The following DAAM2 variants were observed in gnomAD, a reference collection of about 807,000 sequenced individuals.
The protein encoded by DAAM2 is dishevelled associated activator of morphogenesis 2.
In DAAM2, 39 loss-of-function variants were observed where a neutral mutation model predicts 120.7. The ratio of observed to expected loss-of-function variants is 0.32; its 90% confidence interval spans 0.25 to 0.42. The LOEUF is 0.42. DAAM2 is among the 10% of genes least tolerant of loss of function. DAAM2 has a pLI of 1.00. For synonymous variants in DAAM2, 488 were observed against 524.9 expected (o/e 0.93, Z 0.96); for missense variants, 1,283 against 1,401.7 (o/e 0.92, Z 1.35).
At position 39,864,488 on chromosome 6, in the gene DAAM2, G is replaced by A. The variant is rs6919807; in HGVS notation, c.314G>A (p.Arg105His). 1,898 of 1,611,824 alleles carry A rather than the reference G, an allele frequency of 1.2e-3. 12 individuals are homozygous for A. In the African/African-American group the frequency reaches 0.016, roughly 13 times the overall value. Residue 105 changes from arginine (R) to histidine (H), a missense_variant, in exon 4 of 25, where the codon CGC (arginine) becomes CAC (histidine). Arg to His is a conservative substitution (Grantham distance 29). Around this residue, in one of 3 missense-constraint regions of DAAM2, gnomAD observed 197 missense variants for 189.3 expected, o/e 1.04. Transcript: ENST00000274867. ...ATSWPDYYID[R>H]INSMAAMQSL... ...AGCTGGCCTGACTATTACATCGACC[G>A]CATCAATTCCATGGCTGCGGTGAGT...
intron 1 of DAAM2, among the ~76,000 whole-genome samples, chr6:39,812,676 T>C (rs1234305603): frequency 1.1e-5 from 1 of 88,600 alleles, no homozygotes; most frequent in Non-Finnish European, 2.9e-5. Context: ...TTGGAGTGCC[T>C]GTAACTCAAA....
chr6:39,861,025 C>A lies in DAAM2; in HGVS notation c.258+8C>A, dbSNP rs1218791440. On this transcript the variant is annotated splice_region_variant and intron_variant, in intron 3 of 24. Transcript: ENST00000274867. ...TACTGCAGCAAGAAGAAGGTGCCCTCTCTGACCCCTCTGGCCACATCTCAG... is the reference window on the plus strand; with the variant it reads ...TACTGCAGCAAGAAGAAGGTGCCCTATCTGACCCCTCTGGCCACATCTCAG... 6.2e-7 allele frequency: 1 copy of A among 1,600,626 alleles called. No individual in the cohort carries two copies. Among genetic ancestry groups the A allele is most frequent in the African/African-American group, 1.3e-5 (1 of 74,810 alleles).
chr6:39,832,238 A>C (rs6937133), intron 1 of DAAM2, among the ~76,000 whole-genome samples: 1 of 151,746 alleles, frequency 6.6e-6, no homozygotes, highest in Non-Finnish European at 1.5e-5. Flanking sequence ...AGTTTGTGTC[A>C]AATAAGGAGA....
intron 15 of DAAM2, chr6:39,885,864 G>A (rs1765355412): frequency 6.6e-6 from 1 of 152,282 alleles, no homozygotes. Context: ...TCGGCGTCAG[G>A]GAGAACAGAG....
chr6:39,838,492 T>C (rs567647247), intron 1 of DAAM2, among the ~76,000 whole-genome samples: 91 of 152,250 alleles, frequency 6.0e-4, no homozygotes, highest in African/African-American at 2.1e-3. Flanking sequence ...AGTGGGCTGG[T>C]TGGTCGAGGC....
Position 39,888,716 on chromosome 6 carries a change from T to A in DAAM2, c.2098T>A (p.Leu700Met). ...TAACGAGGAGATCCGGCAGGCCATC[T>A]TGAAGATGGATGAGCAGGAGGACCT... ...LSNEEIRQAI[L>M]KMDEQEDLAK... is the part of the protein sequence containing the mutation. The change falls in exon 17 of 25, where the codon TTG (leucine) becomes ATG (methionine). Residue 700 changes from leucine to methionine, a missense_variant. Physicochemically the swap from Leu to Met is conservative, Grantham distance 15. This residue lies in a region of DAAM2 where 748 missense variants were observed against 768.6 expected (regional missense o/e 0.97). Transcript: ENST00000274867. The A allele has an allele frequency of 1.2e-6, 2 of 1,613,348 alleles. No individual in the cohort carries two copies. Among genetic ancestry groups the A allele is most frequent in the Non-Finnish European group, 1.7e-6 (2 of 1,179,530 alleles).
intron 8 of DAAM2, 37 bp downstream of exon 8, chr6:39,870,480 G>A: frequency 7.5e-7 from 1 of 1,340,336 alleles, no homozygotes; most frequent in Non-Finnish European, 1.0e-6. Flanking sequence ...GCAAACCTGT[G>A]GGGACAGTGC....
intron 21 of DAAM2, among the ~76,000 whole-genome samples, chr6:39,898,396 A>C (rs1473624724): frequency 1.3e-5 from 2 of 152,174 alleles, no homozygotes; most frequent in Non-Finnish European, 2.9e-5. Context: ...GGTCCAAGGA[A>C]ATGTGGGTGG....
chr6:39,898,022 A>G (rs1766225000), intron 21 of DAAM2, among the ~76,000 whole-genome samples: 2 of 152,162 alleles, frequency 1.3e-5, no homozygotes, highest in South Asian at 4.1e-4. Flanking sequence ...AACAAAGACA[A>G]TTTGCTCTTA....
chr6:39,836,804 T>C (rs1459528661), intron 1 of DAAM2, among the ~76,000 whole-genome samples: 1 of 152,226 alleles, frequency 6.6e-6, no homozygotes, highest in Admixed American at 6.5e-5. Flanking sequence ...TACTCATCCT[T>C]ACTATTCTAT....
intron 1 of DAAM2, among the ~76,000 whole-genome samples, chr6:39,809,914 C>T (rs1762113598): frequency 6.6e-6 from 1 of 152,186 alleles, no homozygotes; most frequent in African/African-American, 2.4e-5. Flanking sequence ...TCCACAGTGC[C>T]ATCAGGGACC....
chr6:39,866,430 G>A (rs60871004), intron 5 of DAAM2, among the ~76,000 whole-genome samples: 62 of 152,242 alleles, frequency 4.1e-4, no homozygotes, highest in African/African-American at 1.5e-3. Context: ...AGGCGTATTT[G>A]TACAATAACA....
chr6:39,826,983 A>C (rs1363926649), intron 1 of DAAM2, among the ~76,000 whole-genome samples: 1 of 152,182 alleles, frequency 6.6e-6, no homozygotes, highest in Non-Finnish European at 1.5e-5. Context: ...CTTGGATCCT[A>C]GCAGGGCTCA....
In DAAM2 at chr6:39,904,407, G is replaced by A; in HGVS notation, c.*2370G>A. ...AAGAAGGGGCTGGTGCCCAGTCGGG[G>A]TGGCTGAGCTGGTCCTTAATAGGTT... On this transcript the variant is annotated 3_prime_UTR_variant, in exon 25 of 25. Transcript: ENST00000274867. 1 of 455,710 alleles carries A rather than the reference G, an allele frequency of 2.2e-6. No individual in the cohort carries two copies. The highest frequency in any genetic ancestry group is 2.0e-5 in the African/African-American group (1 of 50,152). The allele number at this position is 455,710 out of a possible 1,614,324, so 28.2% of individuals were successfully genotyped here. A position where few individuals can be genotyped will look rare whatever the true frequency, so the allele number is the denominator to read the frequency against.
chr6:39,807,140 A>T (rs983508057), intron 1 of DAAM2, among the ~76,000 whole-genome samples: 4 of 152,044 alleles, frequency 2.6e-5, no homozygotes, highest in Non-Finnish European at 5.9e-5. Flanking sequence ...AAGACTGGTT[A>T]AATAATTTGA....
intron 1 of DAAM2, chr6:39,820,040 G>T (rs376151363): frequency 6.6e-6 from 1 of 152,396 alleles, no homozygotes; most frequent in East Asian, 1.9e-4. Context: ...CACTCTGCTC[G>T]TGGGGGTGGA....
intron 1 of DAAM2, among the ~76,000 whole-genome samples, chr6:39,836,538 C>A (rs1763108917): frequency 6.6e-6 from 1 of 152,182 alleles, no homozygotes; most frequent in Admixed American, 6.5e-5. Context: ...TAGTTGGTGG[C>A]AAAGCTGTAC....
chr6:39,796,968 A>G (rs1423572005), intron 1 of DAAM2, among the ~76,000 whole-genome samples: 2 of 152,232 alleles, frequency 1.3e-5, no homozygotes, highest in Non-Finnish European at 2.9e-5. Context: ...GTGAAAATAC[A>G]TGGGTTTAGA....
chr6:39,897,801 G>A (rs1431989367), intron 21 of DAAM2, among the ~76,000 whole-genome samples: 1 of 152,114 alleles, frequency 6.6e-6, no homozygotes, highest in Admixed American at 6.5e-5. Flanking sequence ...ATCAAAATGC[G>A]CATGCTTTCC....
Sources: gnomAD v4.1 joint callset for allele counts (sites outside exome capture counted in the v4.1 genomes callset) on GRCh38, gnomAD v4.1.1 for gene constraint, gnomAD v4.1.1 regional missense constraint, MANE v1.5 for transcripts, NCBI Gene and HGNC (gene_info 2026-07-23, HGNC 2026-07-21) for gene names.